The following MBP variants were observed in gnomAD, a reference collection of about 807,000 sequenced individuals.
MBP encodes the protein myelin basic protein.
A neutral mutation model predicts 35.8 loss-of-function variants in MBP; 16 were observed. That is an observed-to-expected ratio of 0.45 (90% CI 0.30 to 0.68). The LOEUF is 0.68. Ranked by LOEUF, MBP falls within the 30% of genes least tolerant of loss-of-function variation. MBP has a pLI of 0.08. For missense variants in MBP, 380 were observed against 404.7 expected (o/e 0.94, Z 0.52); for synonymous variants, 143 against 159.6 (o/e 0.90, Z 0.78).
chr18:76,993,354 A>T lies in MBP; in HGVS notation c.577-3294T>A, dbSNP rs569695873. Among the ~76,000 whole-genome samples, 653 of 143,826 alleles carry T rather than the reference A, an allele frequency of 4.5e-3. 3 individuals are homozygous for T. Among genetic ancestry groups the T allele is most frequent in the African/African-American group, 0.011 (436 of 39,248 alleles). 94.4% of individuals were successfully genotyped at this position (143,826 alleles called of 152,430 possible). ...GATTGCCTGAGGTCAGGAGTTCGAG[A>T]CCACCCTGGGCAATATGGTGAAACC... On this transcript the variant is annotated intron_variant, in intron 4 of 8. Coordinates refer to ENST00000355994, the MANE Select transcript of MBP (RefSeq NM_001025101.2).
chr18:77,073,757 C>T (rs1974543001), intron 2 of MBP, among the ~76,000 whole-genome samples: 1 of 152,080 alleles, frequency 6.6e-6, no homozygotes, highest in Admixed American at 6.5e-5. Flanking sequence ...AAGGTTATCT[C>T]CCAGCAACTG....
intron 4 of MBP, among the ~76,000 whole-genome samples, chr18:77,000,693 A>G (rs1970581263): frequency 6.6e-6 from 1 of 152,170 alleles, no homozygotes; most frequent in Non-Finnish European, 1.5e-5. Context: ...AGAAATCAGG[A>G]AGAGGGTTGT....
At chr18:77,066,418 T>G (rs1974201989) in intron 2 of MBP, 33 bp from the exon 3 acceptor site, 1 of 1,334,116 alleles carries the variant, frequency 7.5e-7, no homozygotes, top group Non-Finnish European at 1.1e-6. Context: ...ACCCTTTTCT[T>G]AAGATAAATT....
At chr18:77,114,803 T>A (rs1976601038) in intron 1 of MBP, 1 of 152,318 alleles carries the variant, frequency 6.6e-6, no homozygotes, top group Non-Finnish European at 1.5e-5. Context: ...GAGCCCCCTT[T>A]CCAAGTGTGC....
chr18:77,019,868 C>T (rs374255248), intron 3 of MBP, among the ~76,000 whole-genome samples: 6 of 152,124 alleles, frequency 3.9e-5, no homozygotes, highest in African/African-American at 7.2e-5. Flanking sequence ...AGCAGGAGAG[C>T]GGCCATGCTG....
intron 4 of MBP, among the ~76,000 whole-genome samples, chr18:76,998,154 G>T (rs964057055): frequency 6.6e-6 from 1 of 152,100 alleles, no homozygotes; most frequent in Non-Finnish European, 1.5e-5. Flanking sequence ...CTGAAACCTG[G>T]CCCCCATGAA....
At chr18:77,047,610 T>C (rs1490646282) in intron 3 of MBP, among the ~76,000 whole-genome samples, 2 of 152,254 alleles carry the variant, frequency 1.3e-5, no homozygotes, top group South Asian at 2.1e-4. Flanking sequence ...ATGTGTACAC[T>C]GAAAATGGCT....
At chr18:77,095,426 A>T (rs995426826) in intron 2 of MBP, 1 of 152,260 alleles carries the variant, frequency 6.6e-6, no homozygotes, top group African/African-American at 2.4e-5. Flanking sequence ...CTGCAGTCAG[A>T]TCAGAAAGGA....
chr18:76,985,385 C>T, intron 7 of MBP: 2 of 1,250,352 alleles, frequency 1.6e-6, no homozygotes, highest in Non-Finnish European at 2.1e-6. Context: ...GATTGATTTG[C>T]ACAGATTGGA....
chr18:77,018,576 C>T (rs962674542), intron 3 of MBP, among the ~76,000 whole-genome samples: 2 of 146,406 alleles, frequency 1.4e-5, no homozygotes, highest in African/African-American at 2.6e-5. Context: ...ACTCATCCAT[C>T]CATTCATCCA....
intron 2 of MBP, among the ~76,000 whole-genome samples, chr18:77,086,958 A>C (rs1412680837): frequency 6.6e-6 from 1 of 152,260 alleles, no homozygotes; most frequent in Non-Finnish European, 1.5e-5. Context: ...ACTTTTTAAA[A>C]AGACTAAAAT....
At position 77,121,319 on chromosome 18, in the gene MBP, A is replaced by AT. The variant is rs1034281622; in HGVS notation, c.-26+11260_-26+11261insA. On this transcript the variant is annotated intron_variant, in intron 1 of 8. Coordinates refer to ENST00000355994, the MANE Select transcript of MBP (RefSeq NM_001025101.2). ...AGGGAGACTGTGTCTCAAAAAAAAA[A>AT]AAATAAATAAATAAGATTTTTACTT... Among the ~76,000 whole-genome samples, 11 of 142,280 alleles carry AT rather than the reference A, an allele frequency of 7.7e-5. 1 individual carries two copies. The highest frequency in any genetic ancestry group is 2.3e-4 in the Admixed American group (3 of 12,910). 93.3% of individuals were successfully genotyped at this position (142,280 alleles called of 152,430 possible).
chr18:77,014,358 G>A lies in MBP; in HGVS notation c.576+2474C>T. On this transcript the variant is annotated intron_variant, in intron 4 of 8. Coordinates refer to ENST00000355994, the MANE Select transcript of MBP (RefSeq NM_001025101.2). ...CAAACAGCCCCTTTTATAGGGTCATGGGGGGGCTCCACTCAGAGTCTGGCA... is the reference window on the plus strand; with the variant it reads ...CAAACAGCCCCTTTTATAGGGTCATAGGGGGGCTCCACTCAGAGTCTGGCA... 4.1e-6 allele frequency: 4 copies of A among 985,350 alleles called. No homozygotes were observed. In the African/African-American group the frequency reaches 5.2e-5, roughly 13 times the overall value. 61.0% of individuals were successfully genotyped at this position (985,350 alleles called of 1,614,324 possible). A position where few individuals can be genotyped will look rare whatever the true frequency, so the allele number is the denominator to read the frequency against.
intron 3 of MBP, among the ~76,000 whole-genome samples, chr18:77,061,481 C>A (rs34928057): frequency 6.6e-6 from 1 of 152,134 alleles, no homozygotes; most frequent in Non-Finnish European, 1.5e-5. Context: ...CCCCTACTTA[C>A]GTATGGGGAA....
At chr18:77,116,224 A>G (rs1255026174) in intron 1 of MBP, among the ~76,000 whole-genome samples, 1 of 152,190 alleles carries the variant, frequency 6.6e-6, no homozygotes, top group African/African-American at 2.4e-5. Context: ...CCAGATTCTA[A>G]TCAAGAAAGA....
chr18:76,979,955 G>C lies in MBP; in HGVS notation c.*472C>G. The C allele has an allele frequency of 1.4e-6, 1 of 702,412 alleles. No homozygotes were observed. The highest frequency in any genetic ancestry group is 2.6e-6 in the Non-Finnish European group (1 of 384,968). The allele number at this position is 702,412 out of a possible 1,614,324, so 43.5% of individuals were successfully genotyped here. The stretch of plus-strand genomic sequence containing the variant: ...AAGTCTACTTTAGGAGGTGAGAGAA[G>C]GACAGGAAAAAAAAACAAAGGAAGC... On this transcript the variant is annotated 3_prime_UTR_variant, in exon 9 of 9. Coordinates refer to ENST00000355994, the MANE Select transcript of MBP (RefSeq NM_001025101.2).
At chr18:77,075,965 C>T (rs1363484872) in intron 2 of MBP, among the ~76,000 whole-genome samples, 1 of 152,208 alleles carries the variant, frequency 6.6e-6, no homozygotes, top group Non-Finnish European at 1.5e-5. Flanking sequence ...GAATATCATA[C>T]CTTAATGCAT....
At chr18:77,063,827 A>C (rs1398097395) in intron 3 of MBP, among the ~76,000 whole-genome samples, 2 of 152,202 alleles carry the variant, frequency 1.3e-5, no homozygotes, top group African/African-American at 4.8e-5. Flanking sequence ...TGATAGCGTA[A>C]GGAAAGGGCT....
chr18:77,086,358 A>G (rs1467001514), intron 2 of MBP, among the ~76,000 whole-genome samples: 2 of 152,224 alleles, frequency 1.3e-5, no homozygotes, highest in Non-Finnish European at 2.9e-5. Flanking sequence ...ATCACGATCA[A>G]TTAGGGACAA....
Sources: gnomAD v4.1 joint callset for allele counts (sites outside exome capture counted in the v4.1 genomes callset) on GRCh38, gnomAD v4.1.1 for gene constraint, MANE v1.5 for transcripts, NCBI Gene and HGNC (gene_info 2026-07-23, HGNC 2026-07-21) for gene names.